The following GLDC variants were observed in gnomAD, a reference collection of about 807,000 sequenced individuals.
GLDC encodes the protein glycine decarboxylase.
In GLDC, 104 loss-of-function variants were observed where a neutral mutation model predicts 121.3. That is an observed-to-expected ratio of 0.86 (90% confidence interval 0.73 to 1.01). The LOEUF is 1.01. Among genes scored for constraint, GLDC ranks in the 50% least tolerant of loss-of-function variants. The pLI, the probability that GLDC is intolerant of heterozygous loss-of-function variation, is 0.00. For missense variants in GLDC, 1,429 were observed against 1,306.6 expected (o/e 1.09, Z -1.44); for synonymous variants, 546 against 480.6 (o/e 1.14, Z -1.78).
chr9:6,616,662 A>G (rs894857632), intron 3 of GLDC, among the ~76,000 whole-genome samples: 1 of 152,236 alleles, frequency 6.6e-6, no homozygotes, highest in Non-Finnish European at 1.5e-5. Flanking sequence ...TATAATGTCT[A>G]TGTTCCAAAT....
At chr9:6,635,553 A>G (rs1407250889) in intron 2 of GLDC, among the ~76,000 whole-genome samples, 1 of 152,148 alleles carries the variant, frequency 6.6e-6, no homozygotes, top group African/African-American at 2.4e-5. Context: ...TCTGGGTGAC[A>G]GTGCAAGACC....
rs189094147 is a variant in GLDC at position 6,540,287 on chromosome 9, A to G, written c.2570-141T>C. Reference sequence around the variant, plus strand: ...ACCAAGAAGCCATGGGCACCGGGTAAGTTTATTATTGGCAATAAAGGTTTC... The same window carrying G: ...ACCAAGAAGCCATGGGCACCGGGTAGGTTTATTATTGGCAATAAAGGTTTC... On this transcript the variant is annotated intron_variant, in intron 21 of 24. Transcript: ENST00000321612. 2.9e-4 allele frequency: 197 copies of G among 690,378 alleles called. 2 individuals are homozygous for G. The East Asian group carries it at 5.2e-3, about 18-fold the overall frequency. 42.8% of individuals were successfully genotyped at this position (690,378 alleles called of 1,614,324 possible).
chr9:6,604,137 T>C (rs1019258335), intron 7 of GLDC, among the ~76,000 whole-genome samples: 21 of 152,166 alleles, frequency 1.4e-4, no homozygotes, highest in African/African-American at 5.1e-4. Flanking sequence ...GAAAGTACAT[T>C]TGGAAATTTG....
At chr9:6,634,483 C>G (rs373758330) in intron 2 of GLDC, among the ~76,000 whole-genome samples, 3 of 151,936 alleles carry the variant, frequency 2.0e-5, no homozygotes, top group East Asian at 3.9e-4. Context: ...GAACTGAGAT[C>G]GCACCACCGC....
intron 22 of GLDC, among the ~76,000 whole-genome samples, chr9:6,539,270 G>A (rs1252628954): frequency 6.6e-6 from 1 of 152,112 alleles, no homozygotes; most frequent in Admixed American, 6.5e-5. Flanking sequence ...CTGAGCTCAG[G>A]AGACTGAGAC....
intron 3 of GLDC, 84 bp downstream of exon 3, chr9:6,620,100 C>A: frequency 7.2e-7 from 1 of 1,389,608 alleles, no homozygotes. Flanking sequence ...TGTGGAGGCT[C>A]TGAGACTGCA....
intron 2 of GLDC, among the ~76,000 whole-genome samples, chr9:6,626,993 T>A (rs1395075202): frequency 6.6e-6 from 1 of 152,116 alleles, no homozygotes; most frequent in Non-Finnish European, 1.5e-5. Flanking sequence ...ATACCTGAAA[T>A]TTTTAAAAGG....
rs76586400 is a variant in GLDC, at chr9:6,606,333, G to T, written c.713+259C>A. Reference sequence around the variant, plus strand: ...TCAAAAAAAAAAAAAAAAAAAAGAAGAAGAAGAAAACAAAACACAACTTAC... The same window carrying T: ...TCAAAAAAAAAAAAAAAAAAAAGAATAAGAAGAAAACAAAACACAACTTAC... On this transcript the variant is annotated intron_variant, in intron 5 of 24. Coordinates refer to ENST00000321612, the MANE Select transcript of GLDC (RefSeq NM_000170.3). Among the ~76,000 whole-genome samples, 37 of 143,020 alleles carry T rather than the reference G, an allele frequency of 2.6e-4. No individual in the cohort carries two copies. The East Asian group carries it at 7.3e-3, about 28-fold the overall frequency. 93.8% of individuals were successfully genotyped at this position (143,020 alleles called of 152,430 possible).
At position 6,627,523 on chromosome 9, in the gene GLDC, G is replaced by T. The variant is rs1378403394; in HGVS notation, c.335-7204C>A. Among the ~76,000 whole-genome samples, 4 of 152,180 alleles carry T rather than the reference G, an allele frequency of 2.6e-5. No individual in the cohort carries two copies. The East Asian group carries it at 7.7e-4, about 29-fold the overall frequency. ...TTTTCCTGGATTGGTTCTCATGATA[G>T]CTTGGTAGTTATGCCCAATTTTACC... On this transcript the variant is annotated intron_variant, in intron 2 of 24. Transcript: ENST00000321612.
intron 2 of GLDC, among the ~76,000 whole-genome samples, chr9:6,640,889 G>C (rs774519650): frequency 3.9e-5 from 6 of 152,172 alleles, no homozygotes; most frequent in Non-Finnish European, 8.8e-5. Flanking sequence ...TTAAAGGAAA[G>C]CTAAAACCAC....
At chr9:6,629,484 T>C (rs1366195659) in intron 2 of GLDC, among the ~76,000 whole-genome samples, 1 of 152,016 alleles carries the variant, frequency 6.6e-6, no homozygotes, top group Non-Finnish European at 1.5e-5. Flanking sequence ...AAGTAGCTGT[T>C]AAATTTTCAA....
chr9:6,563,881 T>C (rs1817804190), intron 16 of GLDC, among the ~76,000 whole-genome samples: 1 of 151,988 alleles, frequency 6.6e-6, no homozygotes, highest in South Asian at 2.1e-4. Flanking sequence ...ATGCCTGTAA[T>C]CCTGGTCTCC....
In GLDC at chr9:6,532,704, C is replaced by T. The variant is rs540036394; in HGVS notation, c.*313G>A. The T allele has an allele frequency of 5.6e-5, 21 of 377,108 alleles. No homozygotes were observed. In the East Asian group the frequency reaches 9.3e-4, roughly 17 times the overall value. The allele number at this position is 377,108 out of a possible 1,614,324, so 23.4% of individuals were successfully genotyped here. On this transcript the variant is annotated 3_prime_UTR_variant, in exon 25 of 25. Transcript: ENST00000321612. ...ATGTCTATTAAGTCTCCAGGATAGC[C>T]TCTATGACATCTGCAAACTTGCCAC... is the stretch of plus-strand genomic sequence containing the variant.
chr9:6,628,864 C>T (rs1381712254), intron 2 of GLDC, among the ~76,000 whole-genome samples: 1 of 152,182 alleles, frequency 6.6e-6, no homozygotes, highest in Admixed American at 6.5e-5. Context: ...GGCAATCCTT[C>T]AGGAACCTAC....
At chr9:6,544,560 G>C (rs1368598307) in intron 21 of GLDC, among the ~76,000 whole-genome samples, 1 of 150,582 alleles carries the variant, frequency 6.6e-6, no homozygotes, top group Admixed American at 6.6e-5. Flanking sequence ...AATTGCTTGA[G>C]CCGGGGAGGC....
At chr9:6,535,930 C>T in intron 23 of GLDC, 134 bp downstream of exon 23, 3 of 816,012 alleles carry the variant, frequency 3.7e-6, no homozygotes, top group Non-Finnish European at 6.3e-6. Context: ...ACAACTGCAT[C>T]TTCTCAGAAG....
intron 15 of GLDC, among the ~76,000 whole-genome samples, chr9:6,581,934 G>T (rs969927245): frequency 6.6e-6 from 1 of 152,158 alleles, no homozygotes; most frequent in Non-Finnish European, 1.5e-5. Context: ...AGAACATATA[G>T]GCTGGGCGTG....
chr9:6,629,957 A>ATT (rs60203144), intron 2 of GLDC, among the ~76,000 whole-genome samples: 5 of 83,102 alleles, frequency 6.0e-5, no homozygotes, highest in Admixed American at 3.7e-4. Flanking sequence ...ATATATATAT[A>ATT]TTTTTTTTTT....
chr9:6,543,717 T>C (rs1817323030), intron 21 of GLDC, among the ~76,000 whole-genome samples: 1 of 152,202 alleles, frequency 6.6e-6, no homozygotes, highest in East Asian at 1.9e-4. Context: ...AAGATGTTCT[T>C]TGCAGCTTTT....
Sources: allele counts gnomAD v4.1 joint callset (sites outside exome capture counted in the v4.1 genomes callset), GRCh38; gene constraint gnomAD v4.1.1; transcripts MANE v1.5; gene names NCBI Gene and HGNC (gene_info 2026-07-23, HGNC 2026-07-21).